The following CDH12 variants were observed in gnomAD, a reference collection of about 807,000 sequenced individuals.
CDH12 encodes cadherin-12.
Under a neutral mutation model 74.1 loss-of-function variants are expected in CDH12, and 41 were observed. The observed-to-expected ratio is 0.55, with a 90% CI of 0.43 to 0.72. The LOEUF (loss-of-function observed/expected upper bound fraction) is 0.72. Among genes scored for constraint, CDH12 ranks in the 30% least tolerant of loss-of-function variants. CDH12 has a pLI of 0.00. For synonymous variants in CDH12, 399 were observed against 355.0 expected, an observed-to-expected ratio of 1.12 and a Z score of -1.39; for missense variants, 945 against 977.2, an observed-to-expected ratio of 0.97 and a Z score of 0.44.
chr5:22,002,178 A>G (rs1736644360), intron 5 of CDH12, among the ~76,000 whole-genome samples: 1 of 152,180 alleles, frequency 6.6e-6, no homozygotes, highest in African/African-American at 2.4e-5. Flanking sequence ...AATATTCCAA[A>G]CATTTTTATT....
At chr5:21,819,101 T>C (rs1748221476) in intron 8 of CDH12, among the ~76,000 whole-genome samples, 1 of 152,048 alleles carries the variant, frequency 6.6e-6, no homozygotes, top group African/African-American at 2.4e-5. Flanking sequence ...CATTCCTATT[T>C]TCTACCAGAA....
chr5:22,525,203 C>T (rs916836155), intron 1 of CDH12, among the ~76,000 whole-genome samples: 6 of 152,108 alleles, frequency 3.9e-5, no homozygotes, highest in African/African-American at 1.4e-4. Context: ...TTAAACCAGT[C>T]TATCATTGTT....
intron 1 of CDH12, among the ~76,000 whole-genome samples, chr5:22,622,494 C>T (rs1005912902): frequency 2.0e-5 from 3 of 152,194 alleles, no homozygotes; most frequent in African/African-American, 7.2e-5. Flanking sequence ...GAGGATATCA[C>T]CACCGATCCC....
chr5:21,903,362 C>T (rs114663207), intron 6 of CDH12, among the ~76,000 whole-genome samples: 4 of 152,158 alleles, frequency 2.6e-5, no homozygotes, highest in Admixed American at 6.5e-5. Context: ...ATTGTAAGTA[C>T]GTTTGAAAAA....
intron 1 of CDH12, among the ~76,000 whole-genome samples, chr5:22,570,549 G>T (rs1181967370): frequency 6.6e-6 from 1 of 152,030 alleles, no homozygotes; most frequent in East Asian, 1.9e-4. Flanking sequence ...ATAGATAGTA[G>T]GTCTCAACAG....
intron 6 of CDH12, among the ~76,000 whole-genome samples, chr5:21,967,639 G>A (rs3950910): frequency 6.6e-6 from 1 of 152,122 alleles, no homozygotes; most frequent in African/African-American, 2.4e-5. Flanking sequence ...GTACAGCATG[G>A]TTTATGTTTA....
intron 1 of CDH12, among the ~76,000 whole-genome samples, chr5:22,714,459 C>G (rs1367176054): frequency 6.6e-6 from 1 of 152,060 alleles, no homozygotes; most frequent in Non-Finnish European, 1.5e-5. Context: ...ATGTTAGTGA[C>G]CTATTGCAAG....
intron 6 of CDH12, among the ~76,000 whole-genome samples, chr5:21,957,381 T>C (rs1206308296): frequency 1.3e-5 from 2 of 152,228 alleles, no homozygotes; most frequent in Non-Finnish European, 2.9e-5. Flanking sequence ...AACATTTGTG[T>C]GCATGTGTCT....
intron 4 of CDH12, among the ~76,000 whole-genome samples, chr5:22,195,481 A>G (rs1298533497): frequency 6.6e-6 from 1 of 152,200 alleles, no homozygotes; most frequent in East Asian, 1.9e-4. Context: ...TGCCTTTCCA[A>G]TTCTACTTTA....
In CDH12 at chr5:22,254,534, A is replaced by G. The variant is rs376828407; in HGVS notation, c.-332-41891T>C. On this transcript the variant is annotated intron_variant, in intron 3 of 14. Transcript: ENST00000382254. Reference sequence around the variant, plus strand: ...AAGTGTACTCTGAGATTGCCATTCTACAATGCAATGAAATATAACTAATGG... The same window carrying G: ...AAGTGTACTCTGAGATTGCCATTCTGCAATGCAATGAAATATAACTAATGG... Among the ~76,000 whole-genome samples the G allele has an allele frequency of 3.3e-5, 5 of 151,962 alleles. No individual in the cohort carries two copies. In the East Asian group the frequency reaches 9.7e-4, roughly 29 times the overall value.
chr5:22,419,381 A>G (rs1743537846), intron 2 of CDH12, among the ~76,000 whole-genome samples: 1 of 151,876 alleles, frequency 6.6e-6, no homozygotes, highest in Admixed American at 6.6e-5. Flanking sequence ...TTAAGCTCCC[A>G]CCTATAAGTG....
At chr5:22,717,987 T>C (rs1370147012) in intron 1 of CDH12, among the ~76,000 whole-genome samples, 1 of 152,228 alleles carries the variant, frequency 6.6e-6, no homozygotes, top group Admixed American at 6.5e-5. Flanking sequence ...GGCCTGTGTG[T>C]TTAATTTGTA....
At chr5:22,318,327 T>G (rs1738717244) in intron 3 of CDH12, among the ~76,000 whole-genome samples, 1 of 152,176 alleles carries the variant, frequency 6.6e-6, no homozygotes, top group Non-Finnish European at 1.5e-5. Flanking sequence ...TCTGATATCA[T>G]CAGCTCCTGA....
At chr5:22,378,796 G>T (rs1741643506) in intron 3 of CDH12, among the ~76,000 whole-genome samples, 1 of 151,868 alleles carries the variant, frequency 6.6e-6, no homozygotes, top group Non-Finnish European at 1.5e-5. Flanking sequence ...TACTTGTATT[G>T]GGTTTCTACT....
At chr5:22,537,585 C>T in intron 1 of CDH12, among the ~76,000 whole-genome samples, 1 of 152,146 alleles carries the variant, frequency 6.6e-6, no homozygotes, top group East Asian at 1.9e-4. Context: ...AGATAACCTC[C>T]CCTCTGGCCG....
At chr5:22,613,690 G>A (rs1015609487) in intron 1 of CDH12, among the ~76,000 whole-genome samples, 1 of 152,034 alleles carries the variant, frequency 6.6e-6, no homozygotes, top group Non-Finnish European at 1.5e-5. Flanking sequence ...ATACATACAC[G>A]GCAAAATAAA....
At chr5:22,149,222 A>G (rs773835894) in intron 4 of CDH12, among the ~76,000 whole-genome samples, 8 of 152,206 alleles carry the variant, frequency 5.3e-5, no homozygotes, top group Non-Finnish European at 1.0e-4. Context: ...CTATTTCTAA[A>G]AAGGGTCATA....
chr5:22,092,696 A>G (rs142485039), intron 4 of CDH12, among the ~76,000 whole-genome samples: 11 of 152,222 alleles, frequency 7.2e-5, no homozygotes, highest in African/African-American at 2.6e-4. Context: ...TAGTTCCTCA[A>G]AATGTTAAAA....
intron 1 of CDH12, among the ~76,000 whole-genome samples, chr5:22,510,069 G>A (rs985099926): frequency 2.6e-4 from 40 of 151,830 alleles, no homozygotes; most frequent in African/African-American, 8.2e-4. Flanking sequence ...TCAGTGGAGC[G>A]ATAAAGAGAA....
Sources: allele counts gnomAD v4.1 joint callset (sites outside exome capture counted in the v4.1 genomes callset), GRCh38; gene constraint gnomAD v4.1.1; transcripts MANE v1.5; gene names NCBI Gene and HGNC (gene_info 2026-07-23, HGNC 2026-07-21).